SMYD4: variants seen among roughly 807,000 people sequenced by gnomAD.
SMYD4 encodes SET and MYND domain containing 4, also known as protein-lysine N-methyltransferase SMYD4.
SMYD4 carries 68 observed loss-of-function variants against 72.8 expected under a neutral mutation model. The observed-to-expected ratio is 0.93, with a 90% CI of 0.77 to 1.14. The LOEUF (loss-of-function observed/expected upper bound fraction) is 1.14. Ranked by LOEUF, SMYD4 falls within the 50% of genes most tolerant of loss-of-function variation. The pLI, the probability that SMYD4 is intolerant of heterozygous loss-of-function variation, is 0.00. For synonymous variants in SMYD4, 407 were observed against 388.6 expected (o/e 1.05, Z -0.56); for missense variants, 984 against 1,003.7 (o/e 0.98, Z 0.27).
At chr17:1,787,122 T>C (rs1454201986) in intron 6 of SMYD4, 149 bp from the exon 7 acceptor site, 3 of 1,115,052 alleles carry the variant, frequency 2.7e-6, no homozygotes, top group Non-Finnish European at 3.7e-6. Context: ...GATACTAAAA[T>C]AAGCTTCCAA....
At chr17:1,816,981 C>T in intron 2 of SMYD4, among the ~76,000 whole-genome samples, 1 of 150,870 alleles carries the variant, frequency 6.6e-6, no homozygotes, top group South Asian at 2.1e-4. Context: ...ACATGATTTG[C>T]AAATAGTTTC....
chr17:1,813,725 A>AT (rs1222570263), intron 2 of SMYD4, among the ~76,000 whole-genome samples: 1 of 152,070 alleles, frequency 6.6e-6, no homozygotes, highest in Non-Finnish European at 1.5e-5. Flanking sequence ...TCTTTATACT[A>AT]TTTTTGCAAG....
intron 2 of SMYD4, among the ~76,000 whole-genome samples, chr17:1,817,030 G>C (rs1344103718): frequency 6.9e-6 from 1 of 144,172 alleles, no homozygotes; most frequent in African/African-American, 2.6e-5. Flanking sequence ...TCTTGATACT[G>C]TCCTTGGTGC....
At chr17:1,798,938 T>A (rs1486481210) in intron 5 of SMYD4, among the ~76,000 whole-genome samples, 1 of 151,014 alleles carries the variant, frequency 6.6e-6, no homozygotes, top group Non-Finnish European at 1.5e-5. Flanking sequence ...AAAATAAATT[T>A]TTTTTCAGCA....
chr17:1,798,678 A>C (rs1597377826), intron 5 of SMYD4, among the ~76,000 whole-genome samples: 1 of 152,090 alleles, frequency 6.6e-6, no homozygotes, highest in Admixed American at 6.6e-5. Flanking sequence ...CAGGTGGATC[A>C]CCTGAAGCCA....
chr17:1,786,758 G>C, intron 7 of SMYD4, 52 bp downstream of exon 7: 11 of 1,610,062 alleles, frequency 6.8e-6, no homozygotes, highest in Non-Finnish European at 9.3e-6. Context: ...ATCACCCTTG[G>C]GGTGGAAAAC....
rs1402926004 is a variant in SMYD4 at position 1,781,224 on chromosome 17, A to G, written c.*62T>C. 2.5e-6 allele frequency: 4 copies of G among 1,572,662 alleles called. No individual in the cohort carries two copies. In the African/African-American group the frequency reaches 4.1e-5, roughly 16 times the overall value. On this transcript the variant is annotated 3_prime_UTR_variant, in exon 11 of 11. Transcript: ENST00000305513. ...GCGTGAGCCACCATACCTGGCCAGC[A>G]AAACCTCTTTAACTTGTGTTCCATG...
At position 1,783,969 on chromosome 17, in the gene SMYD4, C is replaced by G. The variant is rs1450929481; in HGVS notation, c.2020+357G>C. The G allele has an allele frequency of 1.0e-5, 3 of 294,290 alleles. No individual in the cohort carries two copies. The East Asian group carries it at 2.1e-4, about 21-fold the overall frequency. 18.2% of individuals were successfully genotyped at this position (294,290 alleles called of 1,614,324 possible). A position where few individuals can be genotyped will look rare whatever the true frequency, so the allele number is the denominator to read the frequency against. ...TAGCTCTGAGGAGGGAAGAACCGCCCTTCTAGGAAGTTACATCACTAGGCC... is the reference window on the plus strand; with the variant it reads ...TAGCTCTGAGGAGGGAAGAACCGCCGTTCTAGGAAGTTACATCACTAGGCC... On this transcript the variant is annotated intron_variant, in intron 8 of 10. Transcript: ENST00000305513.
At chr17:1,823,911 A>T (rs1477253599) in intron 2 of SMYD4, among the ~76,000 whole-genome samples, 1 of 152,184 alleles carries the variant, frequency 6.6e-6, no homozygotes, top group Non-Finnish European at 1.5e-5. Context: ...ACACATTCTG[A>T]TGACATCCTT....
intron 4 of SMYD4, 119 bp from the exon 5 acceptor site, chr17:1,801,143 A>C: frequency 1.2e-6 from 1 of 848,730 alleles, no homozygotes; most frequent in Non-Finnish European, 1.8e-6. Context: ...AACAATTACA[A>C]CCACATGCTT....
intron 2 of SMYD4, among the ~76,000 whole-genome samples, chr17:1,826,550 A>C (rs994109898): frequency 3.9e-5 from 6 of 151,960 alleles, no homozygotes; most frequent in Admixed American, 2.6e-4. Context: ...AAGACTAACA[A>C]AAAAAGTATA....
intron 2 of SMYD4, among the ~76,000 whole-genome samples, chr17:1,825,096 C>G (rs531768013): frequency 3.9e-5 from 6 of 152,084 alleles, no homozygotes; most frequent in African/African-American, 1.4e-4. Flanking sequence ...ATAAATTACC[C>G]AGTCTTGGGT....
chr17:1,820,487 G>A (rs887079392), intron 2 of SMYD4, among the ~76,000 whole-genome samples: 1 of 152,160 alleles, frequency 6.6e-6, no homozygotes, highest in African/African-American at 2.4e-5. Flanking sequence ...CGATCCTCTT[G>A]CCTAAGCCTC....
In SMYD4 at chr17:1,779,779, T is replaced by C. The variant is rs142647598; in HGVS notation, c.*1507A>G. ...AAGCTAGATACTGTAAGTGGAACGG[T>C]GTGTCTCTGGAGGTAAGCAGGCTTG... On this transcript the variant is annotated 3_prime_UTR_variant, in exon 11 of 11. Coordinates refer to ENST00000305513, the MANE Select transcript of SMYD4 (RefSeq NM_052928.3). The C allele has an allele frequency of 7.2e-5, 11 of 152,704 alleles. No individual in the cohort carries two copies. The East Asian group carries it at 2.1e-3, about 29-fold the overall frequency. The allele number at this position is 152,704 out of a possible 1,614,324, so 9.5% of individuals were successfully genotyped here.
chr17:1,813,369 A>G (rs1054184453), intron 2 of SMYD4, among the ~76,000 whole-genome samples: 2 of 152,194 alleles, frequency 1.3e-5, no homozygotes, highest in African/African-American at 4.8e-5. Context: ...CATAAAGTAA[A>G]TGTAGTAAAA....
At chr17:1,785,105 A>C (rs906197194) in intron 7 of SMYD4, among the ~76,000 whole-genome samples, 7 of 147,644 alleles carry the variant, frequency 4.7e-5, no homozygotes, top group Non-Finnish European at 1.0e-4. Flanking sequence ...AAACATTTCT[A>C]GTAGTTATGA....
intron 5 of SMYD4, among the ~76,000 whole-genome samples, chr17:1,794,903 C>T (rs1909307617): frequency 6.6e-6 from 1 of 152,100 alleles, no homozygotes. Flanking sequence ...TGGCATGTCT[C>T]TGTGGTTATC....
At chr17:1,802,924 C>T (rs1259114614) in intron 4 of SMYD4, among the ~76,000 whole-genome samples, 4 of 152,150 alleles carry the variant, frequency 2.6e-5, no homozygotes, top group Admixed American at 6.6e-5. Flanking sequence ...GAGGCTGAGG[C>T]GGGAGGATCA....
rs1908306025 is a variant in SMYD4 at position 1,780,521 on chromosome 17, G to C, written c.*765C>G. On this transcript the variant is annotated 3_prime_UTR_variant, in exon 11 of 11. Transcript: ENST00000305513. ...TGTGAGCCTCTACACTGGGCCTGCA[G>C]AACCTACACAGAATCCGCACCTGGT... 1 of 146,586 alleles carries C rather than the reference G, an allele frequency of 6.8e-6. No individual in the cohort carries two copies. Among genetic ancestry groups the C allele is most frequent in the Non-Finnish European group, 1.5e-5 (1 of 67,406 alleles). The allele number at this position is 146,586 out of a possible 1,614,324, so 9.1% of individuals were successfully genotyped here. A position where few individuals can be genotyped will look rare whatever the true frequency, so the allele number is the denominator to read the frequency against.
Sources: allele counts gnomAD v4.1 joint callset (sites outside exome capture counted in the v4.1 genomes callset), GRCh38; gene constraint gnomAD v4.1.1; transcripts MANE v1.5; gene names NCBI Gene and HGNC (gene_info 2026-07-23, HGNC 2026-07-21).